Variants in BRINP3 observed in about 807,000 individuals in gnomAD.
The protein encoded by BRINP3 is BMP/retinoic acid inducible neural specific 3, also known as BMP/retinoic acid-inducible neural-specific protein 3.
A neutral mutation model predicts 71.0 loss-of-function variants in BRINP3; 19 were observed. The observed-to-expected ratio is 0.27, with a 90% CI of 0.19 to 0.39. The LOEUF (loss-of-function observed/expected upper bound fraction) is 0.39, where lower values mean the gene tolerates loss of function less well. Among genes scored for constraint, BRINP3 ranks in the 10% least tolerant of loss-of-function variants. The pLI is 1.00. For synonymous variants in BRINP3, 380 were observed against 337.7 expected (o/e 1.13, Z -1.37); for missense variants, 959 against 940.8 (o/e 1.02, Z -0.25).
In BRINP3 at chr1:190,454,783, C is replaced by T. The variant is rs1182886166; in HGVS notation, c.108G>A (p.Ser36=). 7 of 1,613,960 alleles carry T rather than the reference C, an allele frequency of 4.3e-6. No individual in the cohort carries two copies. The highest frequency in any genetic ancestry group is 2.2e-5 in the East Asian group (1 of 44,880). Residue 36 remains serine (S), a synonymous_variant, in exon 2 of 8, where the codon TCG becomes TCA. Transcript: ENST00000367462. ...HCWVLAVAAV[S]DQHATSPFDW... ...CGAAGGGGCTTGTGGCATGCTGATC[C>T]GAAACAGCAGCAACCGCTAAAACCC... is the stretch of plus-strand genomic sequence containing the variant.
At chr1:190,385,399 C>T (rs1670823191) in intron 2 of BRINP3, among the ~76,000 whole-genome samples, 1 of 151,888 alleles carries the variant, frequency 6.6e-6, no homozygotes, top group African/African-American at 2.4e-5. Flanking sequence ...AAACAAACAA[C>T]CCCATCAAAA....
intron 6 of BRINP3, among the ~76,000 whole-genome samples, chr1:190,165,743 A>C (rs1651475655): frequency 6.6e-6 from 1 of 152,016 alleles, no homozygotes; most frequent in Non-Finnish European, 1.5e-5. Flanking sequence ...ACACTACAGA[A>C]ATACTAGCTT....
intron 7 of BRINP3, among the ~76,000 whole-genome samples, chr1:190,132,982 A>G (rs1317301945): frequency 6.6e-6 from 1 of 152,050 alleles, no homozygotes; most frequent in African/African-American, 2.4e-5. Flanking sequence ...CATGCTAGTG[A>G]GCCATCTTGG....
intron 2 of BRINP3, among the ~76,000 whole-genome samples, chr1:190,448,785 G>T (rs1571340565): frequency 6.6e-6 from 1 of 151,250 alleles, no homozygotes; most frequent in South Asian, 2.1e-4. Flanking sequence ...TGTTTTTTCT[G>T]GTCACCTTGT....
chr1:190,143,367 G>T (rs1306005150), intron 7 of BRINP3, among the ~76,000 whole-genome samples: 1 of 152,128 alleles, frequency 6.6e-6, no homozygotes, highest in Non-Finnish European at 1.5e-5. Context: ...ATTCTCCCCA[G>T]CTTCTGAATG....
chr1:190,244,572 C>A (rs1389686985), intron 4 of BRINP3, among the ~76,000 whole-genome samples: 4 of 152,100 alleles, frequency 2.6e-5, no homozygotes, highest in Non-Finnish European at 5.9e-5. Context: ...AAGACGATGG[C>A]AGCAGAATCC....
chr1:190,139,096 C>T lies in BRINP3; in HGVS notation c.1184+21572G>A, dbSNP rs116700685. 5.6e-3 allele frequency among the ~76,000 whole-genome samples: 844 copies of T among 152,052 alleles called. 10 individuals carry two copies. The highest frequency in any genetic ancestry group is 0.019 in the African/African-American group (785 of 41,456). ...GAATATACCTAAAAGTGCTTAGATT[C>T]CATTTCTGCATTAGGTAAAATAGAT... On this transcript the variant is annotated intron_variant, in intron 7 of 7. Transcript: ENST00000367462.
At chr1:190,300,599 C>T (rs1664604282) in intron 2 of BRINP3, among the ~76,000 whole-genome samples, 1 of 152,232 alleles carries the variant, frequency 6.6e-6, no homozygotes, top group East Asian at 1.9e-4. Flanking sequence ...CAGACTGCCT[C>T]CTCAAGTGGG....
chr1:190,204,593 TGAATAA>T (rs2102626163), intron 6 of BRINP3, among the ~76,000 whole-genome samples: 1 of 152,056 alleles, frequency 6.6e-6, no homozygotes, highest in African/African-American at 2.4e-5. Context: ...TCAGAAAACA[TGAATAA>T]TCTGATCACC....
chr1:190,429,200 T>C (rs879492731), intron 2 of BRINP3, among the ~76,000 whole-genome samples: 13 of 152,164 alleles, frequency 8.5e-5, no homozygotes, highest in Non-Finnish European at 1.5e-4. Context: ...TAATTTTTTG[T>C]CTTTATAAAC....
At chr1:190,223,131 A>G (rs945003713) in intron 6 of BRINP3, among the ~76,000 whole-genome samples, 4 of 151,974 alleles carry the variant, frequency 2.6e-5, no homozygotes, top group Non-Finnish European at 5.9e-5. Context: ...AAATTCTCCA[A>G]AAATTTGGAA....
intron 3 of BRINP3, among the ~76,000 whole-genome samples, chr1:190,280,675 T>A (rs2102933679): frequency 6.6e-6 from 1 of 152,022 alleles, no homozygotes; most frequent in Non-Finnish European, 1.5e-5. Flanking sequence ...AGTCCGGCTA[T>A]CTTTGGTAAA....
intron 2 of BRINP3, among the ~76,000 whole-genome samples, chr1:190,367,473 C>T (rs1669584324): frequency 6.6e-6 from 1 of 152,214 alleles, no homozygotes; most frequent in African/African-American, 2.4e-5. Context: ...GCAAAGGTCT[C>T]TGACATGCCC....
intron 4 of BRINP3, among the ~76,000 whole-genome samples, chr1:190,246,052 C>T (rs938278268): frequency 1.3e-5 from 2 of 150,666 alleles, no homozygotes; most frequent in East Asian, 2.0e-4. Context: ...TGAATAGTGC[C>T]GCAATAAACA....
chr1:190,325,808 AC>A (rs1231244599), intron 2 of BRINP3, among the ~76,000 whole-genome samples: 1 of 152,104 alleles, frequency 6.6e-6, no homozygotes, highest in Non-Finnish European at 1.5e-5. Flanking sequence ...CATGTACATA[AC>A]AATTATAAAA....
At chr1:190,322,724 G>A (rs1462585613) in intron 2 of BRINP3, among the ~76,000 whole-genome samples, 1 of 151,996 alleles carries the variant, frequency 6.6e-6, no homozygotes, top group Non-Finnish European at 1.5e-5. Flanking sequence ...GAATTTACAT[G>A]TCTACCATCC....
At chr1:190,369,810 A>G (rs562531225) in intron 2 of BRINP3, among the ~76,000 whole-genome samples, 1 of 152,310 alleles carries the variant, frequency 6.6e-6, no homozygotes, top group Admixed American at 6.5e-5. Context: ...CTAAATTTCA[A>G]TGTAATGCTT....
chr1:190,366,418 C>T (rs1558222145), intron 2 of BRINP3, among the ~76,000 whole-genome samples: 1 of 152,166 alleles, frequency 6.6e-6, no homozygotes, highest in African/African-American at 2.4e-5. Flanking sequence ...TTACTTCCCA[C>T]TGGGTCCCTC....
At chr1:190,148,948 G>T (rs1484913935) in intron 7 of BRINP3, among the ~76,000 whole-genome samples, 1 of 152,102 alleles carries the variant, frequency 6.6e-6, no homozygotes, top group Non-Finnish European at 1.5e-5. Flanking sequence ...AAAACTCGAC[G>T]ACCTCTATAG....
Sources: gnomAD v4.1 joint callset for allele counts (sites outside exome capture counted in the v4.1 genomes callset) on GRCh38, gnomAD v4.1.1 for gene constraint, MANE v1.5 for transcripts, NCBI Gene and HGNC (gene_info 2026-07-23, HGNC 2026-07-21) for gene names.